Variants in MTCL1 observed in about 807,000 individuals in gnomAD.
MTCL1 encodes microtubule crosslinking factor 1.
A neutral mutation model predicts 141.4 loss-of-function variants in MTCL1; 79 were observed. The ratio of observed to expected loss-of-function variants is 0.56; its 90% CI spans 0.47 to 0.67. MTCL1 has a LOEUF of 0.67. Ranked by LOEUF, MTCL1 falls within the 30% of genes least tolerant of loss-of-function variation. The pLI is 0.00. For missense variants in MTCL1, 2,177 were observed against 2,113.9 expected, an observed-to-expected ratio of 1.03 and a Z score of -0.59; for synonymous variants, 914 against 875.8, an observed-to-expected ratio of 1.04 and a Z score of -0.77.
intron 15 of MTCL1, among the ~76,000 whole-genome samples, chr18:8,827,516 G>T (rs2144524648): frequency 6.6e-6 from 1 of 152,320 alleles, no homozygotes; most frequent in Admixed American, 6.5e-5. Context: ...AAAGTTGTTT[G>T]CATGCTCTGA....
At chr18:8,732,864 A>G (rs1316952218) in intron 4 of MTCL1, among the ~76,000 whole-genome samples, 1 of 152,178 alleles carries the variant, frequency 6.6e-6, no homozygotes, top group Admixed American at 6.5e-5. Flanking sequence ...TGCATCGTAG[A>G]TATGCTTTCG....
At chr18:8,829,966 T>TGG in intron 16 of MTCL1, 2 of 985,392 alleles carry the variant, frequency 2.0e-6, no homozygotes, top group Non-Finnish European at 2.4e-6. Flanking sequence ...AGCCTGCTCT[T>TGG]CAGCACCAGC....
chr18:8,783,157 G>A (rs912167358), intron 5 of MTCL1, among the ~76,000 whole-genome samples: 2 of 152,226 alleles, frequency 1.3e-5, no homozygotes, highest in African/African-American at 4.8e-5. Flanking sequence ...TAACCAGGTG[G>A]GATCCAGAGA....
chr18:8,732,136 C>T (rs767256558), intron 4 of MTCL1, among the ~76,000 whole-genome samples: 9 of 152,152 alleles, frequency 5.9e-5, no homozygotes, highest in Non-Finnish European at 1.2e-4. Context: ...GGGTCTCGCT[C>T]TGTTGCCCAG....
At chr18:8,815,082 G>A (rs1274029787) in intron 12 of MTCL1, among the ~76,000 whole-genome samples, 2 of 152,070 alleles carry the variant, frequency 1.3e-5, no homozygotes, top group Non-Finnish European at 2.9e-5. Flanking sequence ...CAGGGATCTA[G>A]AACTAGAAAT....
intron 4 of MTCL1, among the ~76,000 whole-genome samples, chr18:8,755,614 C>G (rs2096393439): frequency 6.6e-6 from 1 of 152,164 alleles, no homozygotes; most frequent in Admixed American, 6.5e-5. Context: ...TCGGGTGGCC[C>G]CAGGAGAACC....
chr18:8,718,254 T>A lies in MTCL1; in HGVS notation c.-27-170T>A, dbSNP rs1333002754. Among the ~76,000 whole-genome samples the A allele has an allele frequency of 3.9e-5, 6 of 152,210 alleles. No individual in the cohort carries two copies. The East Asian group carries it at 1.2e-3, about 29-fold the overall frequency. On this transcript the variant is annotated intron_variant, in intron 2 of 16. Transcript: ENST00000359865. ...ACAGATACTCAATTATATTATCTCA[T>A]ATGCAAATTTCCAGAGGTTCTGGTG... is the stretch of plus-strand genomic sequence containing the variant.
chr18:8,715,602 C>T (rs538481856), upstream of MTCL1, among the ~76,000 whole-genome samples: 1 of 152,328 alleles, frequency 6.6e-6, no homozygotes, highest in African/African-American at 2.4e-5. Context: ...AACCTCTTTA[C>T]TCAGAAACAA....
intron 12 of MTCL1, among the ~76,000 whole-genome samples, chr18:8,814,261 A>G (rs2076579915): frequency 6.6e-6 from 1 of 152,198 alleles, no homozygotes; most frequent in Non-Finnish European, 1.5e-5. Flanking sequence ...CTTGGAAACC[A>G]CTAAGAAGAA....
chr18:8,765,532 C>G (rs754009261), intron 4 of MTCL1, among the ~76,000 whole-genome samples: 23 of 152,184 alleles, frequency 1.5e-4, no homozygotes, highest in Non-Finnish European at 2.8e-4. Context: ...TCGCACACCT[C>G]CATCTTCTCC....
At chr18:8,725,262 G>A (rs1217925217) in intron 4 of MTCL1, among the ~76,000 whole-genome samples, 2 of 152,128 alleles carry the variant, frequency 1.3e-5, no homozygotes, top group African/African-American at 4.8e-5. Context: ...ACTAAGAGAC[G>A]ACTTCTTGCG....
intron 14 of MTCL1, among the ~76,000 whole-genome samples, chr18:8,823,702 T>C (rs995714969): frequency 1.3e-5 from 2 of 152,250 alleles, no homozygotes; most frequent in African/African-American, 4.8e-5. Context: ...CCTGCTGTTT[T>C]ACCCCGTGGT....
chr18:8,780,021 C>G (rs1485274981), intron 5 of MTCL1, among the ~76,000 whole-genome samples: 2 of 152,094 alleles, frequency 1.3e-5, no homozygotes, highest in African/African-American at 4.8e-5. Context: ...TTTGAGGGCT[C>G]TATGGGGACC....
rs2076888851 is a variant in MTCL1, at chr18:8,822,809, C to T, written c.3188+1311C>T. ...CTCCCACCTTCCCCGTTCACAGCAG[C>T]AGCCACATCAGTGTTTCCGGTTAGG... is the stretch of plus-strand genomic sequence containing the variant. On this transcript the variant is annotated intron_variant, in intron 14 of 16. Coordinates refer to ENST00000359865, the Ensembl canonical transcript of MTCL1. This position sits in a 1 kb window ranked among gnomAD's most constrained non-coding sequence, Gnocchi z 4.6. Among the ~76,000 whole-genome samples the T allele has an allele frequency of 6.6e-6, 1 of 152,136 alleles. No individual in the cohort carries two copies. The highest frequency in any genetic ancestry group is 1.5e-5 in the Non-Finnish European group (1 of 68,028).
chr18:8,745,060 C>T (rs1436116346), intron 4 of MTCL1, among the ~76,000 whole-genome samples: 1 of 152,190 alleles, frequency 6.6e-6, no homozygotes, highest in East Asian at 1.9e-4. Context: ...CCTCCCACCT[C>T]CTGATTTTGA....
intron 11 of MTCL1, among the ~76,000 whole-genome samples, chr18:8,811,539 A>G (rs1456585764): frequency 6.6e-6 from 1 of 152,098 alleles, no homozygotes; most frequent in East Asian, 1.9e-4. Context: ...ATACATATAT[A>G]TATCTATGGT....
chr18:8,728,367 G>C (rs2096229763), intron 4 of MTCL1, among the ~76,000 whole-genome samples: 1 of 151,914 alleles, frequency 6.6e-6, no homozygotes. Context: ...GTTGGGTGTG[G>C]AATTCCAACA....
intron 4 of MTCL1, among the ~76,000 whole-genome samples, chr18:8,755,222 G>A (rs60849866): frequency 0.027 from 4,100 of 152,326 alleles, 185 homozygotes; most frequent in African/African-American, 0.093. Context: ...GACAGGACGA[G>A]GGGCAGGACC....
At chr18:8,767,780 CTATT>C (rs2096466199) in intron 4 of MTCL1, among the ~76,000 whole-genome samples, 1 of 151,572 alleles carries the variant, frequency 6.6e-6, no homozygotes, top group Non-Finnish European at 1.5e-5. Context: ...TTAATCTTGA[CTATT>C]TGGGGGAATG....
Sources: allele counts gnomAD v4.1 joint callset (sites outside exome capture counted in the v4.1 genomes callset), GRCh38; gene constraint gnomAD v4.1.1; non-coding constraint Gnocchi (gnomAD v3.1); transcripts MANE v1.5; gene names NCBI Gene and HGNC (gene_info 2026-07-23, HGNC 2026-07-21).